The following CAMTA1 variants were observed in gnomAD, a reference collection of about 807,000 sequenced individuals.
CAMTA1 encodes the protein calmodulin-binding transcription activator 1.
A neutral mutation model predicts 170.9 loss-of-function variants in CAMTA1; 27 were observed. The observed-to-expected ratio is 0.16, with a 90% CI of 0.12 to 0.22. The LOEUF (loss-of-function observed/expected upper bound fraction) is 0.22, where lower values mean the gene tolerates loss of function less well. CAMTA1 is among the 10% of genes least tolerant of loss of function. The pLI is 1.00. For missense variants in CAMTA1, 1,619 were observed against 2,217.2 expected (o/e 0.73, Z 5.42); for synonymous variants, 833 against 891.5 (o/e 0.93, Z 1.17).
At chr1:6,817,658 G>A (rs1393950102) in intron 1 of CAMTA1, among the ~76,000 whole-genome samples, 1 of 152,030 alleles carries the variant, frequency 6.6e-6, no homozygotes, top group Non-Finnish European at 1.5e-5. Flanking sequence ...TTTTGTGTCA[G>A]GGTCTCATTC....
Position 7,163,050 on chromosome 1 carries a change from G to A in CAMTA1, c.302+71679G>A, listed in dbSNP as rs567773186. On this transcript the variant is annotated intron_variant, in intron 4 of 22. Transcript: ENST00000303635. ...TAAGGGAGGCTGGATGGGCCTCTCT[G>A]CCTTCAAGATTGTGTAACAATAGTC... Among the ~76,000 whole-genome samples the A allele has an allele frequency of 1.4e-4, 22 of 151,888 alleles. No homozygotes were observed. The South Asian group carries it at 4.4e-3, about 30-fold the overall frequency.
chr1:7,180,811 C>T (rs1651996042), intron 4 of CAMTA1, among the ~76,000 whole-genome samples: 1 of 152,104 alleles, frequency 6.6e-6, no homozygotes, highest in African/African-American at 2.4e-5. Context: ...CACACCTGGT[C>T]CAAACTTTCA....
chr1:7,270,285 A>ATTTT (rs1231590647), intron 5 of CAMTA1, among the ~76,000 whole-genome samples: 2 of 115,102 alleles, frequency 1.7e-5, no homozygotes, highest in African/African-American at 8.3e-5. Flanking sequence ...ATATATATAT[A>ATTTT]TATATATTTT....
chr1:6,831,271 G>A (rs189348339), intron 3 of CAMTA1, among the ~76,000 whole-genome samples: 24 of 152,322 alleles, frequency 1.6e-4, no homozygotes, highest in African/African-American at 5.3e-4. Context: ...TAAACACAGA[G>A]CACATTCATT....
intron 4 of CAMTA1, among the ~76,000 whole-genome samples, chr1:7,247,715 A>G (rs1234674082): frequency 6.6e-6 from 1 of 152,138 alleles, no homozygotes; most frequent in African/African-American, 2.4e-5. Context: ...GCACCTTCTA[A>G]TGGGTCTTTC....
At chr1:7,520,196 G>A (rs1445074622) in intron 6 of CAMTA1, among the ~76,000 whole-genome samples, 2 of 31,438 alleles carry the variant, frequency 6.4e-5, no homozygotes, top group Admixed American at 3.1e-4. Context: ...TGGCTGGACT[G>A]CCGACCTCCT....
chr1:7,043,550 C>T (rs1000426540), intron 3 of CAMTA1, among the ~76,000 whole-genome samples: 8 of 152,314 alleles, frequency 5.3e-5, no homozygotes, highest in Middle Eastern at 3.4e-3. Context: ...TCCAGAGGCT[C>T]GGCGGAAAAC....
intron 5 of CAMTA1, among the ~76,000 whole-genome samples, chr1:7,305,333 T>G (rs1675422116): frequency 6.6e-6 from 1 of 151,964 alleles, no homozygotes; most frequent in African/African-American, 2.4e-5. Flanking sequence ...TGGCTACTTC[T>G]GCTTGTATTT....
chr1:7,667,283 A>T (rs1340359179), intron 9 of CAMTA1, among the ~76,000 whole-genome samples: 1 of 152,016 alleles, frequency 6.6e-6, no homozygotes, highest in Middle Eastern at 3.4e-3. Context: ...CCAGTTGGGC[A>T]TCTTCCCCGT....
At chr1:7,576,337 A>G (rs2095192768) in intron 6 of CAMTA1, among the ~76,000 whole-genome samples, 1 of 152,190 alleles carries the variant, frequency 6.6e-6, no homozygotes, top group African/African-American at 2.4e-5. Flanking sequence ...TTACAGACCA[A>G]ATGTTTGTGT....
chr1:6,947,242 C>G (rs1031702274), intron 3 of CAMTA1, among the ~76,000 whole-genome samples: 2 of 152,204 alleles, frequency 1.3e-5, no homozygotes, highest in Non-Finnish European at 2.9e-5. Context: ...AAATTGAGAA[C>G]TATGAGTCTT....
intron 5 of CAMTA1, among the ~76,000 whole-genome samples, chr1:7,252,813 T>G (rs1666829195): frequency 6.6e-6 from 1 of 152,202 alleles, no homozygotes; most frequent in Non-Finnish European, 1.5e-5. Flanking sequence ...ATCTACCGTT[T>G]AATATATCAC....
intron 2 of CAMTA1, among the ~76,000 whole-genome samples, 155 bp from the exon 3 acceptor site, chr1:6,824,937 T>C (rs181483197): frequency 6.6e-6 from 1 of 152,268 alleles, no homozygotes; most frequent in Non-Finnish European, 1.5e-5. Context: ...GATAAATGGG[T>C]AAATGAGTAT....
At chr1:7,501,987 C>T (rs2094012953) in intron 6 of CAMTA1, among the ~76,000 whole-genome samples, 1 of 152,210 alleles carries the variant, frequency 6.6e-6, no homozygotes, top group Admixed American at 6.5e-5. Flanking sequence ...TGCAGAGGGG[C>T]TGGGGAGGAA....
intron 4 of CAMTA1, among the ~76,000 whole-genome samples, chr1:7,178,402 T>G (rs1470125559): frequency 6.6e-6 from 1 of 152,232 alleles, no homozygotes; most frequent in Non-Finnish European, 1.5e-5. Context: ...GTAATTAGGC[T>G]GGCAAATTCT....
chr1:7,541,810 G>A (rs2094614724), intron 6 of CAMTA1, among the ~76,000 whole-genome samples: 1 of 152,170 alleles, frequency 6.6e-6, no homozygotes, highest in South Asian at 2.1e-4. Context: ...TCAAGATCCT[G>A]CCAGAACCCT....
intron 4 of CAMTA1, among the ~76,000 whole-genome samples, chr1:7,245,308 A>G (rs111866896): frequency 2.6e-5 from 4 of 151,200 alleles, no homozygotes; most frequent in African/African-American, 9.7e-5. Flanking sequence ...TAGCATATAG[A>G]TGTTTCATAT....
intron 3 of CAMTA1, among the ~76,000 whole-genome samples, chr1:7,033,976 T>G (rs1420000121): frequency 6.6e-6 from 1 of 152,172 alleles, no homozygotes; most frequent in East Asian, 1.9e-4. Context: ...CATTTCGCTT[T>G]TATGCTTTTT....
chr1:7,170,328 G>T (rs1649351928), intron 4 of CAMTA1, among the ~76,000 whole-genome samples: 1 of 149,848 alleles, frequency 6.7e-6, no homozygotes, highest in Admixed American at 6.6e-5. Flanking sequence ...TTTAAGTTCT[G>T]GGATTCATGT....
Sources: gnomAD v4.1 joint callset for allele counts (sites outside exome capture counted in the v4.1 genomes callset) on GRCh38, gnomAD v4.1.1 for gene constraint, MANE v1.5 for transcripts, NCBI Gene and HGNC (gene_info 2026-07-23, HGNC 2026-07-21) for gene names.